The following DOCK8 variants were observed in gnomAD, a reference collection of about 807,000 sequenced individuals.
The protein encoded by DOCK8 is dedicator of cytokinesis protein 8.
In DOCK8, 141 loss-of-function variants were observed where a neutral mutation model predicts 245.6. The observed-to-expected ratio is 0.57, with a 90% CI of 0.50 to 0.66. The LOEUF is 0.66. Ranked by LOEUF, DOCK8 falls within the 30% of genes least tolerant of loss-of-function variation. The pLI, the probability that DOCK8 is intolerant of heterozygous loss-of-function variation, is 0.00. For missense variants in DOCK8, 2,965 were observed against 2,603.4 expected, an observed-to-expected ratio of 1.14 and a Z score of -3.02; for synonymous variants, 1,168 against 970.2, an observed-to-expected ratio of 1.20 and a Z score of -3.79.
At chr9:361,044 T>C (rs1204379216) in intron 14 of DOCK8, among the ~76,000 whole-genome samples, 1 of 152,104 alleles carries the variant, frequency 6.6e-6, no homozygotes, top group African/African-American at 2.4e-5. Context: ...GCCTTGAATC[T>C]GTAGTCCTAG....
chr9:400,030 A>ACCACC, intron 26 of DOCK8, among the ~76,000 whole-genome samples: 1 of 84,056 alleles, frequency 1.2e-5, no homozygotes, highest in Admixed American at 1.3e-4. Flanking sequence ...CACCTCCACC[A>ACCACC]TCACCACCAC....
intron 1 of DOCK8, among the ~76,000 whole-genome samples, chr9:241,825 A>G (rs995959203): frequency 6.6e-6 from 1 of 152,118 alleles, no homozygotes; most frequent in African/African-American, 2.4e-5. Flanking sequence ...ATTTTTTTCA[A>G]ATTTTTTATT....
intron 1 of DOCK8, among the ~76,000 whole-genome samples, chr9:249,456 C>CT (rs1431487916): frequency 2.6e-5 from 4 of 152,200 alleles, no homozygotes; most frequent in African/African-American, 9.6e-5. Context: ...TATGTAATAA[C>CT]TGGCATTTCT....
intron 23 of DOCK8, 128 bp downstream of exon 23, chr9:386,554 A>C (rs1039646585): frequency 1.6e-5 from 12 of 751,666 alleles, no homozygotes; most frequent in African/African-American, 1.0e-4. Flanking sequence ...ACACACACAC[A>C]CCCCACACAC....
At chr9:415,350 G>A (rs1389500241) in intron 29 of DOCK8, among the ~76,000 whole-genome samples, 1 of 151,964 alleles carries the variant, frequency 6.6e-6, no homozygotes, top group East Asian at 1.9e-4. Flanking sequence ...AAGCAAAAAA[G>A]CGGTCTCAAA....
At chr9:285,839 T>C (rs1012979184) in intron 2 of DOCK8, among the ~76,000 whole-genome samples, 3 of 152,204 alleles carry the variant, frequency 2.0e-5, no homozygotes, top group Non-Finnish European at 4.4e-5. Flanking sequence ...CTTGCGTAGC[T>C]GCAGTCCAGT....
At chr9:254,018 G>C (rs1167713203) in intron 1 of DOCK8, among the ~76,000 whole-genome samples, 1 of 152,144 alleles carries the variant, frequency 6.6e-6, no homozygotes, top group Admixed American at 6.5e-5. Context: ...CCTTGTTGAA[G>C]GTAAAAAGTA....
chr9:214,435 T>G (rs551027818), upstream of DOCK8: 60 of 1,486,974 alleles, frequency 4.0e-5, no homozygotes, highest in African/African-American at 7.5e-4. Context: ...TCCTGATAGA[T>G]TCCACTAACT....
intron 31 of DOCK8, 23 bp downstream of exon 31, chr9:420,606 T>G (rs768205164): frequency 6.2e-7 from 1 of 1,613,748 alleles, no homozygotes; most frequent in Non-Finnish European, 8.5e-7. Context: ...TGGCACAACT[T>G]TATACCAGCT....
Position 441,973 on chromosome 9 carries a change from A to C in DOCK8, c.5454A>C (p.Ala1818=). The stretch of plus-strand genomic sequence containing the variant: ...AGGAGTTTGTCTACAAAGAGCCTGC[A>C]ATTACCAAGCTTCCTGAGATCTCAC... The part of the protein sequence containing the change: ...DEQEFVYKEP[A]ITKLPEISHR... Residue 1818 remains alanine (A), a synonymous_variant, in exon 42 of 48, where the codon GCA becomes GCC. Coordinates refer to ENST00000432829, the MANE Select transcript of DOCK8 (RefSeq NM_203447.4). The C allele has an allele frequency of 9.9e-6, 16 of 1,614,114 alleles. No individual in the cohort carries two copies. The highest frequency in any genetic ancestry group is 1.4e-5 in the Non-Finnish European group (16 of 1,180,018).
Position 399,174 on chromosome 9 carries a change from T to G in DOCK8, c.3149T>G (p.Ile1050Ser), listed in dbSNP as rs2054614332. The G allele has an allele frequency of 6.2e-7, 1 of 1,614,000 alleles. No homozygotes were observed. The highest frequency in any genetic ancestry group is 8.5e-7 in the Non-Finnish European group (1 of 1,179,998). The change falls in exon 26 of 48, where the codon ATC becomes AGC. Residue 1050 changes from isoleucine (I) to serine (S), a missense_variant. This residue lies in a region of DOCK8 where 2,825 missense variants were observed against 2,453.5 expected (regional missense o/e 1.15). Transcript: ENST00000432829. Reference protein sequence around the residue: ...KENEQAEKMNISLAFFLYDLL... With the variant: ...KENEQAEKMNSSLAFFLYDLL... ...AATGAACAGGCGGAAAAGATGAACATCAGCCTGGCTTTCTTCTTGTATGAC... is the reference window on the plus strand; with the variant it reads ...AATGAACAGGCGGAAAAGATGAACAGCAGCCTGGCTTTCTTCTTGTATGAC...
chr9:217,546 T>A (rs2046786205), intron 1 of DOCK8, among the ~76,000 whole-genome samples: 1 of 152,222 alleles, frequency 6.6e-6, no homozygotes, highest in Non-Finnish European at 1.5e-5. Flanking sequence ...GAAAATGGAT[T>A]GGAAATTCGT....
rs148142069 is a variant in DOCK8 at position 338,499 on chromosome 9, T to C, written c.1423-507T>C. 8.3e-3 allele frequency among the ~76,000 whole-genome samples: 1,252 copies of C among 151,534 alleles called. 11 individuals carry two copies. The highest frequency in any genetic ancestry group is 0.014 in the Admixed American group (212 of 15,198). On this transcript the variant is annotated intron_variant, in intron 12 of 47. Coordinates refer to ENST00000432829, the MANE Select transcript of DOCK8 (RefSeq NM_203447.4). ...ATATCTACCCACTTACCTTACTGGG[T>C]TGTTGTAAGGATTGGAGATCATGCA... is the stretch of plus-strand genomic sequence containing the variant.
chr9:428,525 CTTAA>C (rs2056584902), intron 35 of DOCK8, 29 bp downstream of exon 35: 3 of 1,613,538 alleles, frequency 1.9e-6, no homozygotes, highest in African/African-American at 2.7e-5. Context: ...TTTTCTTCCT[CTTAA>C]TTAAGAGTAA....
chr9:255,667 CCAAAA>C (rs1311458084), intron 1 of DOCK8, among the ~76,000 whole-genome samples: 1,357 of 41,200 alleles, frequency 0.033, 15 homozygotes, highest in African/African-American at 0.099. Context: ...GACTCCATCT[CCAAAA>C]AAAAAAAAAA....
intron 4 of DOCK8, among the ~76,000 whole-genome samples, chr9:296,489 G>A (rs1271468274): frequency 6.6e-6 from 1 of 152,150 alleles, no homozygotes; most frequent in Non-Finnish European, 1.5e-5. Context: ...TTCATCTGGG[G>A]TGATTAAGGT....
In DOCK8 at chr9:428,434, T is replaced by C. The variant is rs748995633; in HGVS notation, c.4411T>C (p.Cys1471Arg). The part of the protein sequence containing the change: ...VLRVLVNSLN[C>R]DQSTTYLTHC... ...GAGGGTGCTGGTGAATTCTCTGAAC[T>C]GTGATCAGAGTACCACCTACCTGAC... Residue 1471 changes from cysteine to arginine, a missense_variant, in exon 35 of 48, where the codon TGT becomes CGT. Transcript: ENST00000432829. 3.7e-6 allele frequency: 6 copies of C among 1,614,040 alleles called. No individual in the cohort carries two copies. Among genetic ancestry groups the C allele is most frequent in the Non-Finnish European group, 5.1e-6 (6 of 1,179,976 alleles).
At chr9:429,451 G>A (rs955122354) in intron 35 of DOCK8, among the ~76,000 whole-genome samples, 6 of 152,222 alleles carry the variant, frequency 3.9e-5, no homozygotes, top group African/African-American at 1.4e-4. Flanking sequence ...ACCAGTGAAT[G>A]CGACCTGGCT....
At chr9:433,174 A>G (rs924136264) in intron 37 of DOCK8, among the ~76,000 whole-genome samples, 1 of 152,294 alleles carries the variant, frequency 6.6e-6, no homozygotes, top group Admixed American at 6.5e-5. Context: ...CATCATTTAT[A>G]TAGAGGTATT....
Sources: allele counts gnomAD v4.1 joint callset (sites outside exome capture counted in the v4.1 genomes callset), GRCh38; gene constraint gnomAD v4.1.1; regional missense constraint gnomAD v4.1.1; transcripts MANE v1.5; gene names NCBI Gene and HGNC (gene_info 2026-07-23, HGNC 2026-07-21).